COL6A1: variants seen among roughly 807,000 people sequenced by gnomAD.
COL6A1 encodes the protein collagen alpha-1(VI) chain.
In COL6A1, 80 loss-of-function variants were observed where a neutral mutation model predicts 145.6. That is an observed-to-expected ratio of 0.55 (90% CI 0.46 to 0.66). The LOEUF (loss-of-function observed/expected upper bound fraction) is 0.66. Among genes scored for constraint, COL6A1 ranks in the 30% least tolerant of loss-of-function variants. COL6A1 has a pLI of 0.00. For synonymous variants in COL6A1, 638 were observed against 622.8 expected, an observed-to-expected ratio of 1.02 and a Z score of -0.36; for missense variants, 1,364 against 1,473.8, an observed-to-expected ratio of 0.93 and a Z score of 1.22.
Position 45,994,983 on chromosome 21 carries a change from C to T in COL6A1, c.1398+754C>T, listed in dbSNP as rs1209708028. ...AGCTGCCCACACACCGAGCACAAGG[C>T]CAGACCCTGGGCACGGCAGCTGTCT... On this transcript the variant is annotated intron_variant, in intron 20 of 34. Transcript: ENST00000361866. The surrounding 1 kb of genome is among the most constrained non-coding windows in gnomAD (Gnocchi z 6.8). Among the ~76,000 whole-genome samples the T allele has an allele frequency of 3.9e-5, 6 of 152,272 alleles. No individual in the cohort carries two copies. The East Asian group carries it at 1.2e-3, about 29-fold the overall frequency.
At chr21:45,990,159 TG>T in intron 11 of COL6A1, 98 bp from the exon 12 acceptor site, 1 of 1,417,650 alleles carries the variant, frequency 7.1e-7, no homozygotes. Flanking sequence ...CCCCTCGGGT[TG>T]GGGGCACCCA....
intron 25 of COL6A1, 46 bp downstream of exon 25, chr21:45,999,005 C>G (rs1469069572): frequency 6.5e-7 from 1 of 1,545,396 alleles, no homozygotes; most frequent in African/African-American, 1.4e-5. Context: ...CCACCTGAGC[C>G]AGAGGGCTGG....
rs550593745 is a variant in COL6A1, at chr21:45,992,874, G to A, written c.1335+64G>A. Reference sequence around the variant, plus strand: ...AGGGGCAGGCGGAGGCTGGGGCTGGGTCAGGCCTCCAGAGCCACAGGACAC... The same window carrying A: ...AGGGGCAGGCGGAGGCTGGGGCTGGATCAGGCCTCCAGAGCCACAGGACAC... On this transcript the variant is annotated intron_variant, in intron 19 of 34. Coordinates refer to ENST00000361866, the MANE Select transcript of COL6A1 (RefSeq NM_001848.3). 55 of 1,451,022 alleles carry A rather than the reference G, an allele frequency of 3.8e-5. No individual in the cohort carries two copies. The African/African-American group carries it at 5.9e-4, about 16-fold the overall frequency. The allele number at this position is 1,451,022 out of a possible 1,614,324, so 89.9% of individuals were successfully genotyped here.
chr21:45,986,592 C>T lies in COL6A1; in HGVS notation c.495C>T (p.Tyr165=), dbSNP rs1876329380. The change falls in exon 4 of 35, where the codon TAC becomes TAT. Residue 165 remains tyrosine (Y), a synonymous_variant. Transcript: ENST00000361866. Reference sequence around the variant, plus strand: ...CCGACGGGCACCCCCTGGAGGGCTACAAGGAACCCTGTGGGGGGCTGGAGG... The same window carrying T: ...CCGACGGGCACCCCCTGGAGGGCTATAAGGAACCCTGTGGGGGGCTGGAGG... ...VVTDGHPLEG[Y]KEPCGGLEDA... 7 of 1,563,172 alleles carry T rather than the reference C, an allele frequency of 4.5e-6. No homozygotes were observed. The highest frequency in any genetic ancestry group is 6.1e-6 in the Non-Finnish European group (7 of 1,153,874).
chr21:45,997,282 C>G, intron 20 of COL6A1, 139 bp from the exon 21 acceptor site: 1 of 808,452 alleles, frequency 1.2e-6, no homozygotes, highest in Admixed American at 1.9e-5. Context: ...GGGCCTGGCT[C>G]TCCCCCTGCA....
chr21:45,983,189 C>T (rs1430283183), intron 2 of COL6A1, among the ~76,000 whole-genome samples: 2 of 152,214 alleles, frequency 1.3e-5, no homozygotes, highest in Non-Finnish European at 2.9e-5. Flanking sequence ...GCAGTGAGAG[C>T]CTCTACCTGG....
chr21:45,988,635 G>T (rs2077757010), intron 8 of COL6A1, among the ~76,000 whole-genome samples: 1 of 152,150 alleles, frequency 6.6e-6, no homozygotes, highest in East Asian at 1.9e-4. Flanking sequence ...GAGAATGTGG[G>T]TCCCCTGCTT....
In COL6A1 at chr21:45,999,893, TAGA is replaced by T. The variant is rs1469042441; in HGVS notation, c.1776+202_1776+204del. ...ATCATAGGGGGATGTGTGAGGACCATAGAGGGGACATGTGAGGATCATGGGGGA... is the reference window on the plus strand; with the variant it reads ...ATCATAGGGGGATGTGTGAGGACCATGGGGACATGTGAGGATCATGGGGGA... On this transcript the variant is annotated intron_variant, in intron 27 of 34. Transcript: ENST00000361866. Among the ~76,000 whole-genome samples, 88 of 43,318 alleles carry T rather than the reference TAGA, an allele frequency of 2.0e-3. 1 individual carries two copies. Among genetic ancestry groups the T allele is most frequent in the South Asian group, 4.7e-3 (6 of 1,270 alleles). 28.4% of individuals were successfully genotyped at this position (43,318 alleles called of 152,430 possible).
In COL6A1 at chr21:45,986,607, G is replaced by A. The variant is rs373970248; in HGVS notation, c.510G>A (p.Gly170=). 9.6e-6 allele frequency: 15 copies of A among 1,558,578 alleles called. No homozygotes were observed. The African/African-American group carries it at 1.4e-4, about 14-fold the overall frequency. Residue 170 remains glycine, a synonymous_variant, in exon 4 of 35, where the codon GGG becomes GGA. Transcript: ENST00000361866. The part of the protein sequence containing the change: ...HPLEGYKEPC[G]GLEDAVNEAK... ...TGGAGGGCTACAAGGAACCCTGTGGGGGGCTGGAGGATGCTGTGAACGAGG... is the reference window on the plus strand; with the variant it reads ...TGGAGGGCTACAAGGAACCCTGTGGAGGGCTGGAGGATGCTGTGAACGAGG...
Position 46,004,603 on chromosome 21 carries a change from G to A in COL6A1, c.*590G>A, listed in dbSNP as rs2077870659. ...TGGGGCAGCCATTGGCCTCTGTCTC[G>A]TTTTGGGAAACCAAGGTCAGGAGGC... On this transcript the variant is annotated 3_prime_UTR_variant, in exon 35 of 35. Transcript: ENST00000361866. 2 of 387,164 alleles carry A rather than the reference G, an allele frequency of 5.2e-6. No homozygotes were observed. The highest frequency in any genetic ancestry group is 1.9e-5 in the South Asian group (1 of 53,720). 24.0% of individuals were successfully genotyped at this position (387,164 alleles called of 1,614,324 possible). A position where few individuals can be genotyped will look rare whatever the true frequency, so the allele number is the denominator to read the frequency against.
At chr21:45,983,056 A>C (rs1200725325) in intron 2 of COL6A1, among the ~76,000 whole-genome samples, 1 of 152,146 alleles carries the variant, frequency 6.6e-6, no homozygotes, top group Non-Finnish European at 1.5e-5. Context: ...TGAGGCTGAG[A>C]TGTAGGGAAG....
At chr21:45,992,272 T>G in intron 17 of COL6A1, 55 bp downstream of exon 17, 1 of 1,613,492 alleles carries the variant, frequency 6.2e-7, no homozygotes, top group Admixed American at 1.7e-5. Context: ...CAGCTTCTGA[T>G]CCTCTTTGCT....
In COL6A1 at chr21:45,992,756, T is replaced by C. The variant is rs2123475470; in HGVS notation, c.1281T>C (p.Pro427=). 1 of 1,596,094 alleles carries C rather than the reference T, an allele frequency of 6.3e-7. No individual in the cohort carries two copies. Among genetic ancestry groups the C allele is most frequent in the Non-Finnish European group, 8.5e-7 (1 of 1,171,986 alleles). ...PDGAPGERGG[P]GERGPRGTPG... is the part of the protein sequence containing the mutation. Reference sequence around the variant, plus strand: ...CATGTCTCTCCACTCAGGGTGGCCCTGGAGAGAGAGGACCACGGGGGACCC... The same window carrying C: ...CATGTCTCTCCACTCAGGGTGGCCCCGGAGAGAGAGGACCACGGGGGACCC... Residue 427 remains proline, a synonymous_variant, in exon 19 of 35, where the codon CCT becomes CCC. Transcript: ENST00000361866.
rs530969007 is a variant in COL6A1 at position 45,987,640 on chromosome 21, G to A, written c.790G>A (p.Asp264Asn). 1.9e-5 allele frequency: 30 copies of A among 1,610,532 alleles called. No individual in the cohort carries two copies. The highest frequency in any genetic ancestry group is 6.7e-5 in the East Asian group (3 of 44,852). ...AAGAGGACCTCCGGGGCTCCGGGGC[G>A]ACCCCGGCTTTGAGGTGAGTGGTGA... ...PARGPPGLRGDPGFEGERGKP... is the reference protein window; with the variant it reads ...PARGPPGLRGNPGFEGERGKP... Residue 264 changes from aspartate to asparagine, a missense_variant, in exon 8 of 35, where the codon GAC becomes AAC. Asp to Asn is a conservative substitution (Grantham distance 23). This residue lies in a region of COL6A1 where 414 missense variants were observed against 437.6 expected (regional missense o/e 0.95). Coordinates refer to ENST00000361866, the MANE Select transcript of COL6A1 (RefSeq NM_001848.3).
At chr21:46,001,560 C>T (rs1018466824) in intron 30 of COL6A1, among the ~76,000 whole-genome samples, 174 bp downstream of exon 30, 6 of 152,234 alleles carry the variant, frequency 3.9e-5, no homozygotes, top group Non-Finnish European at 8.8e-5. Context: ...CCAGCTCCAC[C>T]TGGCGAGGCT....
Position 46,003,860 on chromosome 21 carries a change from G to C in COL6A1, c.2934G>C (p.Val978=). The stretch of plus-strand genomic sequence containing the variant: ...TCGTGGTGGTCGTGGGCCGCCAGGT[G>C]AATGAGCCCCACATCCGCGTCCTGG... ...EIFVVVVGRQ[V]NEPHIRVLVT... Residue 978 remains valine (V), a synonymous_variant, in exon 35 of 35, where the codon GTG becomes GTC. Transcript: ENST00000361866. The C allele has an allele frequency of 6.2e-7, 1 of 1,600,838 alleles. No homozygotes were observed. Among genetic ancestry groups the C allele is most frequent in the Non-Finnish European group, 8.5e-7 (1 of 1,170,728 alleles).
chr21:45,985,169 TACAGAGACAGAG>T (rs915130556), intron 3 of COL6A1, among the ~76,000 whole-genome samples: 11 of 78,002 alleles, frequency 1.4e-4, no homozygotes, highest in Non-Finnish European at 1.7e-4. Flanking sequence ...GACAGAAACA[TACAGAGACAGAG>T]AGACAGAGAG....
At chr21:45,982,027 C>G in intron 1 of COL6A1, 80 bp downstream of exon 1, 1 of 1,183,356 alleles carries the variant, frequency 8.5e-7, no homozygotes, top group Non-Finnish European at 1.2e-6. Context: ...GGGTCCCCTC[C>G]CACGCGTGGA....
chr21:45,984,316 A>G lies in COL6A1; in HGVS notation c.275A>G (p.His92Arg), dbSNP rs1294038889. The change falls in exon 3 of 35, where the codon CAC becomes CGC. Residue 92 changes from histidine to arginine, a missense_variant. By Grantham distance (29) the His-to-Arg change is conservative (BLOSUM62 0). Coordinates refer to ENST00000361866, the MANE Select transcript of COL6A1 (RefSeq NM_001848.3). ...RNLVWNAGAL[H>R]YSDEVEIIQG... ...CTGGTGTGGAACGCAGGCGCGCTGC[A>G]CTACAGTGACGAGGTGGAGATCATC... 3 of 1,612,034 alleles carry G rather than the reference A, an allele frequency of 1.9e-6. No homozygotes were observed. Among genetic ancestry groups the G allele is most frequent in the Non-Finnish European group, 2.5e-6 (3 of 1,179,644 alleles).
Sources: gnomAD v4.1 joint callset for allele counts (sites outside exome capture counted in the v4.1 genomes callset) on GRCh38, gnomAD v4.1.1 for gene constraint, gnomAD v4.1.1 regional missense constraint, Gnocchi (gnomAD v3.1) non-coding constraint, MANE v1.5 for transcripts, NCBI Gene and HGNC (gene_info 2026-07-23, HGNC 2026-07-21) for gene names.